Variants in DDX17 observed in about 807,000 individuals in gnomAD.
DDX17 encodes probable ATP-dependent RNA helicase DDX17.
A neutral mutation model predicts 80.8 loss-of-function variants in DDX17; 10 were observed. The observed-to-expected ratio is 0.12, with a 90% CI of 0.08 to 0.21. The LOEUF (loss-of-function observed/expected upper bound fraction) is 0.21. Among genes scored for constraint, DDX17 ranks in the 10% least tolerant of loss-of-function variants. The pLI, the probability that DDX17 is intolerant of heterozygous loss-of-function variation, is 1.00. For synonymous variants in DDX17, 339 were observed against 336.2 expected (o/e 1.01, Z -0.09); for missense variants, 586 against 957.4 (o/e 0.61, Z 5.12).
chr22:38,491,921 GTATT>G (rs1602674147), intron 11 of DDX17, 131 bp downstream of exon 11: 1 of 592,268 alleles, frequency 1.7e-6, no homozygotes, highest in East Asian at 3.3e-5. Context: ...ATCACGCTTT[GTATT>G]TTTTTCTTTC....
At chr22:38,495,125 G>C (rs1602677209) in intron 6 of DDX17, 79 bp from the exon 7 acceptor site, 1 of 1,431,554 alleles carries the variant, frequency 7.0e-7, no homozygotes. Flanking sequence ...TTGGGAAGAG[G>C]AGGCGGGAAG....
chr22:38,490,931 T>C (rs2089707715), intron 11 of DDX17: 2 of 156,136 alleles, frequency 1.3e-5, no homozygotes, highest in Non-Finnish European at 2.8e-5. Flanking sequence ...CAAGGGGACA[T>C]GGAGCAAATA....
rs1233852737 is a variant in DDX17 at position 38,484,443 on chromosome 22, G to C, written c.*1492C>G. On this transcript the variant is annotated 3_prime_UTR_variant, in exon 13 of 13. Coordinates refer to ENST00000403230, the MANE Select transcript of DDX17 (RefSeq NM_006386.5). ...TTTTAAAAGGAAAACAAAACCTCGA[G>C]TATAGATCTTACAGATGAGCAAGCA... is the stretch of plus-strand genomic sequence containing the variant. 2.0e-5 allele frequency: 3 copies of C among 152,230 alleles called. No homozygotes were observed. The highest frequency in any genetic ancestry group is 4.8e-5 in the African/African-American group (2 of 41,450). The allele number at this position is 152,230 out of a possible 1,614,324, so 9.4% of individuals were successfully genotyped here.
intron 2 of DDX17, 84 bp downstream of exon 2, chr22:38,501,046 G>A: frequency 6.8e-7 from 1 of 1,466,040 alleles, no homozygotes; most frequent in Non-Finnish European, 9.1e-7. Context: ...ATGTAAAACG[G>A]CAACAGTAGC....
At chr22:38,490,340 A>C (rs1569137929) in intron 11 of DDX17, 1 of 1,289,320 alleles carries the variant, frequency 7.8e-7, no homozygotes, top group East Asian at 5.5e-5. Flanking sequence ...ATAAGGAGGG[A>C]CTAAGTCTAG....
Position 38,489,308 on chromosome 22 carries a change from C to A in DDX17, c.1448-1193G>T. The A allele has an allele frequency of 1.0e-6, 1 of 985,760 alleles. No homozygotes were observed. Among genetic ancestry groups the A allele is most frequent in the Non-Finnish European group, 1.2e-6 (1 of 829,930 alleles). The allele number at this position is 985,760 out of a possible 1,614,324, so 61.1% of individuals were successfully genotyped here. On this transcript the variant is annotated intron_variant, in intron 11 of 12. Transcript: ENST00000403230. This position sits in a 1 kb window ranked among gnomAD's most constrained non-coding sequence, Gnocchi z 4.6. ...CCTTTTATTTTTGGCGGCCTCCTTT[C>A]GAAAACTCCGCCTTCTGACACGGGA...
At chr22:38,500,812 C>T (rs1348131395) in intron 2 of DDX17, among the ~76,000 whole-genome samples, 6 of 28,900 alleles carry the variant, frequency 2.1e-4, no homozygotes, top group African/African-American at 4.9e-4. Flanking sequence ...AGCAAAACTC[C>T]GTCTCAAAAA....
intron 3 of DDX17, 145 bp downstream of exon 3, chr22:38,499,255 A>G: frequency 1.6e-6 from 1 of 629,122 alleles, no homozygotes; most frequent in African/African-American, 1.8e-5. Context: ...CAGTCTAAAT[A>G]CTAGAACAGA....
Position 38,485,922 on chromosome 22 carries a change from CA to C in DDX17, c.*12del, listed in dbSNP as rs755357058. The stretch of plus-strand genomic sequence containing the variant: ...TAATTAAGTCTGCTGGAGTCACTAC[CA>C]CTTGAGTGGTTTCATTTACGTGAAG... On this transcript the variant is annotated 3_prime_UTR_variant, in exon 13 of 13. Coordinates refer to ENST00000403230, the MANE Select transcript of DDX17 (RefSeq NM_006386.5). 11 of 1,612,478 alleles carry C rather than the reference CA, an allele frequency of 6.8e-6. No homozygotes were observed. Among genetic ancestry groups the C allele is most frequent in the Non-Finnish European group, 9.3e-6 (11 of 1,179,690 alleles).
At chr22:38,504,956 T>C (rs2089866097) in intron 1 of DDX17, among the ~76,000 whole-genome samples, 1 of 152,222 alleles carries the variant, frequency 6.6e-6, no homozygotes, top group South Asian at 2.1e-4. Flanking sequence ...TGCCACGGGC[T>C]GGAGTGCAAT....
rs2089655229 is a variant in DDX17 at position 38,486,026 on chromosome 22, G to A, written c.2099C>T (p.Pro700Leu). The stretch of plus-strand genomic sequence containing the variant: ...ACCTATCATATTGGTAGCTCCCGGA[G>A]GCTGTGCAAACTGTTGTGACATCAG... Residue 700 changes from proline (P) to leucine (L), a missense_variant, in exon 13 of 13, where the codon CCT (proline) becomes CTT (leucine). Around this residue, in one of 4 missense-constraint regions of DDX17, gnomAD observed 221 missense variants for 261.4 expected, o/e 0.85. Transcript: ENST00000403230. 3.1e-6 allele frequency: 5 copies of A among 1,614,060 alleles called. No individual in the cohort carries two copies. Among genetic ancestry groups the A allele is most frequent in the East Asian group, 2.2e-5 (1 of 44,874 alleles).
intron 12 of DDX17, among the ~76,000 whole-genome samples, chr22:38,486,816 G>A (rs368879504): frequency 4.6e-5 from 7 of 152,106 alleles, no homozygotes; most frequent in African/African-American, 1.7e-4. Context: ...TAAAATGACT[G>A]ACCTCTCCGT....
chr22:38,497,558 C>T (rs990338341), intron 5 of DDX17, among the ~76,000 whole-genome samples: 2 of 140,100 alleles, frequency 1.4e-5, no homozygotes, highest in Non-Finnish European at 3.0e-5. Context: ...GCGGAGGTTG[C>T]AGTGAGCTGA....
intron 5 of DDX17, 74 bp from the exon 6 acceptor site, chr22:38,496,011 A>C: frequency 3.8e-6 from 5 of 1,303,016 alleles, no homozygotes; most frequent in Non-Finnish European, 5.1e-6. Flanking sequence ...AAGAAACAAA[A>C]TACAAAAAGC....
At chr22:38,494,228 T>C (rs532524472) in intron 8 of DDX17, 97 bp from the exon 9 acceptor site, 3 of 841,296 alleles carry the variant, frequency 3.6e-6, no homozygotes, top group Middle Eastern at 2.4e-4. Flanking sequence ...GTACTTTCTT[T>C]GCACATTACG....
At position 38,484,417 on chromosome 22, in the gene DDX17, A is replaced by G. The variant is rs1362394613; in HGVS notation, c.*1518T>C. On this transcript the variant is annotated 3_prime_UTR_variant, in exon 13 of 13. Transcript: ENST00000403230. Reference sequence around the variant, plus strand: ...GAAACCATCCCTCTCTCCCTAAAGAATTTTAAAAGGAAAACAAAACCTCGA... The same window carrying G: ...GAAACCATCCCTCTCTCCCTAAAGAGTTTTAAAAGGAAAACAAAACCTCGA... 1.3e-5 allele frequency: 2 copies of G among 152,260 alleles called. No homozygotes were observed. The highest frequency in any genetic ancestry group is 2.9e-5 in the Non-Finnish European group (2 of 68,052). The allele number at this position is 152,260 out of a possible 1,614,324, so 9.4% of individuals were successfully genotyped here.
At chr22:38,494,333 T>A in intron 8 of DDX17, 1 of 591,994 alleles carries the variant, frequency 1.7e-6, no homozygotes, top group East Asian at 2.9e-5. Flanking sequence ...GCAAGTCTCA[T>A]GTAAGTGGTA....
In DDX17 at chr22:38,495,979, T is replaced by A. The variant is rs199713522; in HGVS notation, c.739-42A>T. ...GACACTTGAGACCTCATCCAAGGTTTAAAAAAAAAAAAAAAAAAAAGAAGA... is the reference window on the plus strand; with the variant it reads ...GACACTTGAGACCTCATCCAAGGTTAAAAAAAAAAAAAAAAAAAAAGAAGA... On this transcript the variant is annotated intron_variant, in intron 5 of 12. Transcript: ENST00000403230. 1.2e-4 allele frequency: 95 copies of A among 803,904 alleles called. No individual in the cohort carries two copies. Among genetic ancestry groups the A allele is most frequent in the South Asian group, 4.7e-4 (11 of 23,180 alleles). 49.8% of individuals were successfully genotyped at this position (803,904 alleles called of 1,614,324 possible).
chr22:38,495,415 T>C (rs2089752087), intron 6 of DDX17, among the ~76,000 whole-genome samples: 1 of 152,034 alleles, frequency 6.6e-6, no homozygotes, highest in Admixed American at 6.5e-5. Context: ...CTGGCTAATT[T>C]TTCGTATTTT....
Sources: gnomAD v4.1 joint callset for allele counts (sites outside exome capture counted in the v4.1 genomes callset) on GRCh38, gnomAD v4.1.1 for gene constraint, gnomAD v4.1.1 regional missense constraint, Gnocchi (gnomAD v3.1) non-coding constraint, MANE v1.5 for transcripts, NCBI Gene and HGNC (gene_info 2026-07-23, HGNC 2026-07-21) for gene names.